Variants in TMEM132B observed in about 807,000 individuals in gnomAD.
TMEM132B encodes transmembrane protein 132B.
In TMEM132B, 18 loss-of-function variants were observed where a neutral mutation model predicts 90.8. That is an observed-to-expected ratio of 0.20 (90% CI 0.14 to 0.29). TMEM132B has a LOEUF of 0.29. Ranked by LOEUF, TMEM132B falls within the 10% of genes least tolerant of loss-of-function variation. TMEM132B has a pLI of 1.00. For synonymous variants in TMEM132B, 504 were observed against 523.3 expected (o/e 0.96, Z 0.50); for missense variants, 1,096 against 1,326.8 (o/e 0.83, Z 2.70).
chr12:125,223,155 C>T (rs776192546), intron 1 of TMEM132B, among the ~76,000 whole-genome samples: 9 of 152,110 alleles, frequency 5.9e-5, no homozygotes, highest in Non-Finnish European at 1.0e-4. Context: ...AGGAAATCGA[C>T]GAAACTAACA....
At chr12:125,363,147 A>C (rs1566013936) in intron 2 of TMEM132B, among the ~76,000 whole-genome samples, 1 of 152,230 alleles carries the variant, frequency 6.6e-6, no homozygotes, top group Non-Finnish European at 1.5e-5. Flanking sequence ...TGCTGGCTCA[A>C]ATCCTAACTT....
chr12:125,591,192 C>T (rs1184762757), intron 5 of TMEM132B, among the ~76,000 whole-genome samples: 1 of 152,120 alleles, frequency 6.6e-6, no homozygotes, highest in African/African-American at 2.4e-5. Context: ...TAATCCGTAT[C>T]ACCTGGAACA....
chr12:125,648,156 C>T (rs887039827), intron 6 of TMEM132B, among the ~76,000 whole-genome samples: 10 of 148,048 alleles, frequency 6.8e-5, no homozygotes, highest in South Asian at 2.2e-4. Flanking sequence ...ATGCGGTGTT[C>T]GGTTTTTTAT....
chr12:125,595,260 G>A lies in TMEM132B; in HGVS notation c.1437+11266G>A, dbSNP rs553110106. Among the ~76,000 whole-genome samples, 139 of 152,272 alleles carry A rather than the reference G, an allele frequency of 9.1e-4. 2 individuals carry two copies. The South Asian group carries it at 0.021, about 23-fold the overall frequency. ...CTTCCCGTCACTAGCACTGCACCTGGCATGAGTTAGGTGCTCTATGAATAG... is the reference window on the plus strand; with the variant it reads ...CTTCCCGTCACTAGCACTGCACCTGACATGAGTTAGGTGCTCTATGAATAG... On this transcript the variant is annotated intron_variant, in intron 5 of 8. Coordinates refer to ENST00000682704, the MANE Select transcript of TMEM132B (RefSeq NM_001366854.1).
chr12:125,250,545 A>T (rs1874295317), intron 1 of TMEM132B, among the ~76,000 whole-genome samples: 1 of 152,078 alleles, frequency 6.6e-6, no homozygotes, highest in African/African-American at 2.4e-5. Flanking sequence ...CAGCATGGAA[A>T]CTTCGCTCAG....
At chr12:125,591,555 A>G (rs1421862493) in intron 5 of TMEM132B, among the ~76,000 whole-genome samples, 1 of 152,116 alleles carries the variant, frequency 6.6e-6, no homozygotes, top group East Asian at 1.9e-4. Context: ...CCTTTTGACA[A>G]AGGTATTAGT....
chr12:125,488,564 T>C (rs563825978), intron 3 of TMEM132B, among the ~76,000 whole-genome samples: 16 of 152,324 alleles, frequency 1.1e-4, no homozygotes, highest in African/African-American at 3.6e-4. Context: ...GCACAAGCTC[T>C]CTCTTTGCCT....
At chr12:125,500,087 C>T (rs904857746) in intron 3 of TMEM132B, among the ~76,000 whole-genome samples, 2 of 152,184 alleles carry the variant, frequency 1.3e-5, no homozygotes, top group South Asian at 2.1e-4. Context: ...CCCCCGGGAC[C>T]CAGCTTTCAC....
At chr12:125,394,299 C>T (rs893545586) in intron 2 of TMEM132B, among the ~76,000 whole-genome samples, 8 of 152,204 alleles carry the variant, frequency 5.3e-5, no homozygotes, top group Admixed American at 4.6e-4. Context: ...AGAGTCCATG[C>T]TTGACAGATT....
At chr12:125,424,966 G>A (rs1880274193) in intron 3 of TMEM132B, among the ~76,000 whole-genome samples, 1 of 152,136 alleles carries the variant, frequency 6.6e-6, no homozygotes, top group Admixed American at 6.5e-5. Flanking sequence ...ACATATCAGG[G>A]GTGGGAGATT....
chr12:125,594,739 T>G (rs1461744764), intron 5 of TMEM132B, among the ~76,000 whole-genome samples: 1 of 152,214 alleles, frequency 6.6e-6, no homozygotes, highest in African/African-American at 2.4e-5. Context: ...TATTGAGTCT[T>G]GAGAGTTGTT....
chr12:125,267,451 C>T (rs1039723198), intron 1 of TMEM132B, among the ~76,000 whole-genome samples: 4 of 152,132 alleles, frequency 2.6e-5, no homozygotes, highest in East Asian at 1.9e-4. Context: ...AGGTAATCTC[C>T]GACCTTGTGT....
In TMEM132B at chr12:125,305,989, C is replaced by T. The variant is rs146458839; in HGVS notation, c.68-43463C>T. On this transcript the variant is annotated intron_variant, in intron 1 of 8. Coordinates refer to ENST00000682704, the MANE Select transcript of TMEM132B (RefSeq NM_001366854.1). ...TCCAGGCTTCACTAGCTTTGTGCTACAGCTGTTGTCTAAGTGGAGATTCAT... is the reference window on the plus strand; with the variant it reads ...TCCAGGCTTCACTAGCTTTGTGCTATAGCTGTTGTCTAAGTGGAGATTCAT... Among the ~76,000 whole-genome samples the T allele has an allele frequency of 5.5e-4, 84 of 152,354 alleles. 2 individuals carry two copies. In the East Asian group the frequency reaches 0.016, roughly 28 times the overall value.
intron 1 of TMEM132B, among the ~76,000 whole-genome samples, chr12:125,220,897 C>G (rs1256047037): frequency 6.6e-6 from 1 of 152,264 alleles, no homozygotes; most frequent in Non-Finnish European, 1.5e-5. Flanking sequence ...CTTACTCACT[C>G]TTTGTCAGCC....
rs903183890 is a variant in TMEM132B, at chr12:125,209,205, C to T, written c.67+22339C>T. Among the ~76,000 whole-genome samples, 11 of 152,192 alleles carry T rather than the reference C, an allele frequency of 7.2e-5. No homozygotes were observed. The highest frequency in any genetic ancestry group is 2.7e-4 in the African/African-American group (11 of 41,438). ...AAAAAGAAAAGGGGAAGCCTCTGGC[C>T]AGCCTGAGCCTGGGTGCACACGAGG... On this transcript the variant is annotated intron_variant, in intron 1 of 8. Transcript: ENST00000682704. The surrounding 1 kb of genome is among the most constrained non-coding windows in gnomAD (Gnocchi z 4.4).
chr12:125,199,802 AAGGTAT>A lies in TMEM132B; in HGVS notation c.67+12939_67+12944del, dbSNP rs368701101. On this transcript the variant is annotated intron_variant, in intron 1 of 8. Transcript: ENST00000682704. ...CATCTCCATCCCAGGCACCAGGATG[AAGGTAT>A]AGATTAAAAAAAGGGCAGAGGATAC... Among the ~76,000 whole-genome samples, 671 of 152,204 alleles carry A rather than the reference AAGGTAT, an allele frequency of 4.4e-3. 4 individuals carry two copies. The highest frequency in any genetic ancestry group is 0.015 in the African/African-American group (639 of 41,510).
intron 3 of TMEM132B, among the ~76,000 whole-genome samples, chr12:125,478,526 A>G (rs923197809): frequency 6.6e-6 from 1 of 152,208 alleles, no homozygotes; most frequent in Non-Finnish European, 1.5e-5. Flanking sequence ...GTGATTGAAG[A>G]TCAAATTAAT....
intron 5 of TMEM132B, among the ~76,000 whole-genome samples, chr12:125,600,817 C>T (rs907589024): frequency 1.3e-5 from 2 of 152,066 alleles, no homozygotes; most frequent in Admixed American, 6.6e-5. Context: ...GGTTGCAATC[C>T]TAGTCTCTGA....
chr12:125,425,461 A>G (rs1880289943), intron 3 of TMEM132B, among the ~76,000 whole-genome samples: 1 of 148,840 alleles, frequency 6.7e-6, no homozygotes, highest in Admixed American at 6.6e-5. Context: ...TTGATACATT[A>G]TTATTAAAGT....
Sources: gnomAD v4.1 joint callset for allele counts (sites outside exome capture counted in the v4.1 genomes callset) on GRCh38, gnomAD v4.1.1 for gene constraint, Gnocchi (gnomAD v3.1) non-coding constraint, MANE v1.5 for transcripts, NCBI Gene and HGNC (gene_info 2026-07-23, HGNC 2026-07-21) for gene names.